The following TUBGCP5 variants were observed in gnomAD, a reference collection of about 807,000 sequenced individuals.
TUBGCP5 encodes tubulin gamma complex component 5, also known as gamma-tubulin complex component 5.
TUBGCP5 carries 98 observed loss-of-function variants against 134.7 expected under a neutral mutation model. The observed-to-expected ratio is 0.73, with a 90% CI of 0.62 to 0.86. The LOEUF (loss-of-function observed/expected upper bound fraction) is 0.86. Ranked by LOEUF, TUBGCP5 falls within the 40% of genes least tolerant of loss-of-function variation. TUBGCP5 has a pLI of 0.00. For synonymous variants in TUBGCP5, 456 were observed against 431.4 expected, an observed-to-expected ratio of 1.06 and a Z score of -0.71; for missense variants, 1,150 against 1,244.8, an observed-to-expected ratio of 0.92 and a Z score of 1.15.
At chr15:23,018,462 T>C (rs1458901453) in intron 12 of TUBGCP5, among the ~76,000 whole-genome samples, 1 of 152,180 alleles carries the variant, frequency 6.6e-6, no homozygotes, top group Non-Finnish European at 1.5e-5. Context: ...AGTCCTATTT[T>C]TCACAAAAAT....
At chr15:23,019,984 G>A (rs1204617238) in intron 11 of TUBGCP5, among the ~76,000 whole-genome samples, 3 of 150,766 alleles carry the variant, frequency 2.0e-5, no homozygotes, top group Middle Eastern at 3.6e-3. Context: ...CATCCATTAA[G>A]GATGAGGAAA....
At chr15:23,029,329 C>A (rs751121593) in intron 6 of TUBGCP5, among the ~76,000 whole-genome samples, 8 of 152,172 alleles carry the variant, frequency 5.3e-5, no homozygotes, top group Non-Finnish European at 1.0e-4. Flanking sequence ...TCAAGCGATT[C>A]TTCTGCTTCA....
At chr15:23,030,838 G>C (rs575306450) in intron 6 of TUBGCP5, 47 bp downstream of exon 6, 2 of 1,594,434 alleles carry the variant, frequency 1.3e-6, no homozygotes, top group South Asian at 2.3e-5. Context: ...TTTCCTTCTA[G>C]GGAATTTGTC....
chr15:22,992,680 T>C (rs180826031), intron 23 of TUBGCP5, among the ~76,000 whole-genome samples: 1 of 152,224 alleles, frequency 6.6e-6, no homozygotes, highest in Admixed American at 6.5e-5. Context: ...TCTTAGACTT[T>C]GGACTTTGAG....
At chr15:23,026,483 G>GT (rs1207489372) in intron 7 of TUBGCP5, among the ~76,000 whole-genome samples, 1 of 152,084 alleles carries the variant, frequency 6.6e-6, no homozygotes, top group Non-Finnish European at 1.5e-5. Context: ...TATTTTTGCA[G>GT]TAAGTATACC....
intron 9 of TUBGCP5, chr15:23,024,492 G>A (rs1178699652): frequency 4.7e-6 from 2 of 425,440 alleles, no homozygotes; most frequent in Non-Finnish European, 8.1e-6. Flanking sequence ...CAAATAAAAA[G>A]CAGAAAATGC....
intron 19 of TUBGCP5, among the ~76,000 whole-genome samples, chr15:23,004,725 G>A (rs1427104492): frequency 1.3e-5 from 2 of 152,134 alleles, no homozygotes; most frequent in Non-Finnish European, 2.9e-5. Context: ...GGGGCTTAAT[G>A]AAGGCCAACC....
chr15:23,028,824 A>AC (rs1373232664), intron 6 of TUBGCP5, among the ~76,000 whole-genome samples: 1 of 152,174 alleles, frequency 6.6e-6, no homozygotes, highest in African/African-American at 2.4e-5. Flanking sequence ...TGATCATGTC[A>AC]CAGAGAAGAT....
chr15:22,995,161 T>C (rs1434058836), downstream of TUBGCP5, among the ~76,000 whole-genome samples: 2 of 151,868 alleles, frequency 1.3e-5, no homozygotes, highest in East Asian at 3.9e-4. Flanking sequence ...GGAGAATCAC[T>C]TGAACCTGGG....
At chr15:22,988,077 C>T (rs1447524203) in intron 23 of TUBGCP5, among the ~76,000 whole-genome samples, 2 of 151,736 alleles carry the variant, frequency 1.3e-5, no homozygotes, top group Non-Finnish European at 2.9e-5. Context: ...TAATACATTT[C>T]TCCTGTTTAT....
rs760371127 is a variant in TUBGCP5 at position 23,027,272 on chromosome 15, A to G, written c.657T>C (p.His219=). The G allele has an allele frequency of 3.1e-6, 5 of 1,613,998 alleles. No homozygotes were observed. The highest frequency in any genetic ancestry group is 1.1e-5 in the South Asian group (1 of 91,052). ...EPDDRSWLEH[H]VVHQYWTARP... is the part of the protein sequence containing the mutation. ...TGGCTGTCCAGTACTGATGGACCAC[A>G]TGATGTTCCAGCCAGCTTCGGTCAT... is the stretch of plus-strand genomic sequence containing the variant. The change falls in exon 7 of 23, where the codon CAT becomes CAC. Residue 219 remains histidine (H), a synonymous_variant. Coordinates refer to ENST00000615383, the MANE Select transcript of TUBGCP5 (RefSeq NM_052903.6).
rs778606998 is a variant in TUBGCP5, at chr15:23,027,325, A to C, written c.623-19T>G. ...GGCTCATCTGCTTGAAAGAAATGTA[A>C]TCAGTTTGAGTTAACAACAACAAAA... On this transcript the variant is annotated intron_variant, in intron 6 of 22. Transcript: ENST00000615383. 1 of 1,606,562 alleles carries C rather than the reference A, an allele frequency of 6.2e-7. No individual in the cohort carries two copies. The highest frequency in any genetic ancestry group is 8.5e-7 in the Non-Finnish European group (1 of 1,173,520).
At position 22,989,122 on chromosome 15, in the gene TUBGCP5, C is replaced by T. The variant is rs73411373; in HGVS notation, c.*62-5511G>A. On this transcript the variant is annotated intron_variant and NMD_transcript_variant, in intron 23 of 23. Transcript: ENST00000614508. ...GACATCCCCAGATAATGCAGGGTAA[C>T]GTCTCTATCTCAAGTCAGTGGACTA... Among the ~76,000 whole-genome samples the T allele has an allele frequency of 5.0e-3, 761 of 152,190 alleles. 8 individuals carry two copies. The highest frequency in any genetic ancestry group is 0.014 in the African/African-American group (581 of 41,532).
Position 23,018,059 on chromosome 15 carries a change from A to G in TUBGCP5, c.1488-18T>C, listed in dbSNP as rs201832987. 1.2e-3 allele frequency: 1,888 copies of G among 1,588,546 alleles called. 2 individuals are homozygous for G. Among genetic ancestry groups the G allele is most frequent in the Non-Finnish European group, 1.5e-3 (1,802 of 1,166,118 alleles). ...TTTTGTTTCTAAAGAGATTCAAAAG[A>G]ATTTTAAACTCTTATTTCTCTTTCT... is the stretch of plus-strand genomic sequence containing the variant. On this transcript the variant is annotated intron_variant, in intron 12 of 22. Coordinates refer to ENST00000615383, the MANE Select transcript of TUBGCP5 (RefSeq NM_052903.6).
chr15:22,995,594 A>AAC (rs1555432153), downstream of TUBGCP5, among the ~76,000 whole-genome samples: 5 of 151,936 alleles, frequency 3.3e-5, no homozygotes, highest in African/African-American at 1.2e-4. Context: ...AAAAAACAAA[A>AAC]CAAAAACCAA....
intron 5 of TUBGCP5, 101 bp downstream of exon 5, chr15:23,031,849 C>T (rs1235329807): frequency 1.3e-6 from 1 of 764,344 alleles, no homozygotes; most frequent in African/African-American, 1.8e-5. Context: ...AAGAGTGTTC[C>T]TGTTTTAGCT....
intron 4 of TUBGCP5, 89 bp from the exon 5 acceptor site, chr15:23,032,118 T>G: frequency 1.3e-6 from 1 of 796,472 alleles, no homozygotes; most frequent in African/African-American, 1.7e-5. Context: ...CTAACAAGAC[T>G]CAAAATACTC....
intron 20 of TUBGCP5, among the ~76,000 whole-genome samples, chr15:23,003,632 G>GT (rs531926227): frequency 0.04 from 3,522 of 88,538 alleles, 295 homozygotes; most frequent in Non-Finnish European, 0.057. Context: ...TCCTCCTTCT[G>GT]TTTTTTTTTT....
chr15:22,987,265 C>T (rs1405875882), intron 23 of TUBGCP5, among the ~76,000 whole-genome samples: 4 of 148,136 alleles, frequency 2.7e-5, no homozygotes, highest in African/African-American at 5.0e-5. Flanking sequence ...ATGGGGGAGG[C>T]GGAGGTTGTG....
Sources: allele counts gnomAD v4.1 joint callset (sites outside exome capture counted in the v4.1 genomes callset), GRCh38; gene constraint gnomAD v4.1.1; transcripts MANE v1.5; gene names NCBI Gene and HGNC (gene_info 2026-07-23, HGNC 2026-07-21).